CDHR4: variants seen among roughly 807,000 people sequenced by gnomAD.
CDHR4 encodes the protein cadherin-related family member 4.
Under a neutral mutation model 88.4 loss-of-function variants are expected in CDHR4, and 89 were observed. The ratio of observed to expected loss-of-function variants is 1.01; its 90% confidence interval spans 0.85 to 1.20. CDHR4 has a LOEUF of 1.20. CDHR4 is among the 50% of genes most tolerant of loss of function. CDHR4 has a pLI of 0.00. For missense variants in CDHR4, 914 were observed against 1,007.2 expected, an observed-to-expected ratio of 0.91 and a Z score of 1.25; for synonymous variants, 368 against 399.2, an observed-to-expected ratio of 0.92 and a Z score of 0.93.
Position 49,795,411 on chromosome 3 carries a change from G to A in CDHR4, c.848-32C>T, listed in dbSNP as rs1217184852. 1.9e-6 allele frequency: 3 copies of A among 1,545,372 alleles called. No homozygotes were observed. Among genetic ancestry groups the A allele is most frequent in the East Asian group, 4.9e-5 (2 of 40,884 alleles). On this transcript the variant is annotated intron_variant, in intron 7 of 18. Coordinates refer to ENST00000412678, the MANE Select transcript of CDHR4 (RefSeq NM_001007540.4). This position sits in a 1 kb window ranked among gnomAD's most constrained non-coding sequence, Gnocchi z 5.4. Reference sequence around the variant, plus strand: ...GGGGTGAGAGAACACAGAGGTCAGGGGTCAGGGAACACAGAGATCAGCCCC... The same window carrying A: ...GGGGTGAGAGAACACAGAGGTCAGGAGTCAGGGAACACAGAGATCAGCCCC...
At chr3:49,802,174 T>A (rs1398470829), upstream of CDHR4, among the ~76,000 whole-genome samples, 1 of 144,632 alleles carries the variant, frequency 6.9e-6, no homozygotes, top group Admixed American at 6.9e-5. Flanking sequence ...CTGCTTCTTC[T>A]TCCTTTCTTT....
chr3:49,792,327 G>A (rs914380863), intron 15 of CDHR4, 141 bp downstream of exon 15: 1 of 1,064,816 alleles, frequency 9.4e-7, no homozygotes, highest in South Asian at 1.7e-5. Context: ...GACCTCTGGA[G>A]GGAGAGTAGC....
rs1040365104 is a variant in CDHR4, at chr3:49,795,792, T to C, written c.711-28A>G. The C allele has an allele frequency of 5.2e-6, 8 of 1,551,126 alleles. No individual in the cohort carries two copies. The African/African-American group carries it at 6.8e-5, about 13-fold the overall frequency. On this transcript the variant is annotated intron_variant, in intron 6 of 18. Coordinates refer to ENST00000412678, the MANE Select transcript of CDHR4 (RefSeq NM_001007540.4). The surrounding 1 kb of genome is among the most constrained non-coding windows in gnomAD (Gnocchi z 5.4). ...GGACCAAAAGGGGGGCACTGGTTCC[T>C]GCCCATTCCTGCTCAACCTGTGGGT...
At chr3:49,794,352 C>G (rs545808294) in intron 10 of CDHR4, among the ~76,000 whole-genome samples, 1 of 151,510 alleles carries the variant, frequency 6.6e-6, no homozygotes, top group African/African-American at 2.4e-5. Flanking sequence ...GAGCCAGGAT[C>G]GTGCCACTGC....
chr3:49,792,200 T>G lies in CDHR4; in HGVS notation c.2139-241A>C, dbSNP rs191157162. Among the ~76,000 whole-genome samples the G allele has an allele frequency of 7.2e-5, 11 of 152,318 alleles. No homozygotes were observed. In the East Asian group the frequency reaches 2.1e-3, roughly 29 times the overall value. On this transcript the variant is annotated intron_variant, in intron 15 of 18. Coordinates refer to ENST00000412678, the MANE Select transcript of CDHR4 (RefSeq NM_001007540.4). ...CAGGAATAGGGGTAAATGCCCAATG[T>G]ATGACAGACTCACAGTTTCAAGCCC...
At chr3:49,797,176 TTTCC>T (rs2081284315) in intron 4 of CDHR4, 144 bp from the exon 5 acceptor site, 1 of 589,222 alleles carries the variant, frequency 1.7e-6, no homozygotes, top group Non-Finnish European at 3.1e-6. Context: ...CTTTCCTTTC[TTTCC>T]TTCTCTCTCC....
At chr3:49,798,637 C>A in intron 4 of CDHR4, 189 bp downstream of exon 4, 2 of 560,656 alleles carry the variant, frequency 3.6e-6, no homozygotes, top group Admixed American at 3.4e-5. Flanking sequence ...CCTGTGGGAA[C>A]AGCCATGGTC....
In CDHR4 at chr3:49,795,889, T is replaced by C; in HGVS notation, c.710+54A>G. 1 of 1,514,464 alleles carries C rather than the reference T, an allele frequency of 6.6e-7. No homozygotes were observed. The highest frequency in any genetic ancestry group is 2.1e-5 in the Admixed American group (1 of 48,452). 93.8% of individuals were successfully genotyped at this position (1,514,464 alleles called of 1,614,324 possible). ...GCTCCAGCAGCCTCACCCTACCTGA[T>C]TCCCTGGGGCTAGGCCCTTCCTCCC... On this transcript the variant is annotated intron_variant, in intron 6 of 18. Coordinates refer to ENST00000412678, the MANE Select transcript of CDHR4 (RefSeq NM_001007540.4). This position sits in a 1 kb window ranked among gnomAD's most constrained non-coding sequence, Gnocchi z 5.4.
At position 49,793,981 on chromosome 3, in the gene CDHR4, C is replaced by G; in HGVS notation, c.1305G>C (p.Val435=). The G allele has an allele frequency of 2.6e-6, 4 of 1,551,652 alleles. No homozygotes were observed. The highest frequency in any genetic ancestry group is 3.5e-6 in the Non-Finnish European group (4 of 1,146,996). ...CTGGGGAGAACTCGTTGATGGGTGTCACCATCACCAGTACCGGCACCTCAG... is the reference window on the plus strand; with the variant it reads ...CTGGGGAGAACTCGTTGATGGGTGTGACCATCACCAGTACCGGCACCTCAG... ...MTTEVPVLVM[V]TPINEFSPAC... The change falls in exon 11 of 19, where the codon GTG becomes GTC. Residue 435 remains valine (V), a synonymous_variant. Coordinates refer to ENST00000412678, the MANE Select transcript of CDHR4 (RefSeq NM_001007540.4).
At position 49,798,602 on chromosome 3, in the gene CDHR4, A is replaced by AG. The variant is rs1346562010; in HGVS notation, c.495+223_495+224insC. On this transcript the variant is annotated intron_variant, in intron 4 of 18. Transcript: ENST00000412678. ...GACTCCGTCTCAAAAAAAAAAAAAA[A>AG]AAAGAACTCAGCCCCTGAGATGTCC... The AG allele has an allele frequency of 5.5e-6, 3 of 540,988 alleles. No individual in the cohort carries two copies. The East Asian group carries it at 9.2e-5, about 17-fold the overall frequency. The allele number at this position is 540,988 out of a possible 1,614,324, so 33.5% of individuals were successfully genotyped here. A position where few individuals can be genotyped will look rare whatever the true frequency, so the allele number is the denominator to read the frequency against.
At chr3:49,796,141 G>A (rs1295336205) in intron 5 of CDHR4, 95 bp from the exon 6 acceptor site, 1 of 791,578 alleles carries the variant, frequency 1.3e-6, no homozygotes, top group African/African-American at 1.7e-5. Context: ...ACCTCACTTA[G>A]GATCTCCAAA....
intron 4 of CDHR4, chr3:49,798,542 C>T (rs1274149134): frequency 2.2e-5 from 10 of 445,130 alleles, no homozygotes; most frequent in Middle Eastern, 1.1e-3. Context: ...GAGCCGAGAT[C>T]GCGCCACTGC....
chr3:49,800,862 A>G (rs1409289338), upstream of CDHR4, among the ~76,000 whole-genome samples: 1 of 145,632 alleles, frequency 6.9e-6, no homozygotes, highest in Non-Finnish European at 1.5e-5. Context: ...CCTGGACAAC[A>G]TGGTGAAACC....
rs2081226009 is a variant in CDHR4, at chr3:49,793,951, A to C, written c.1335T>G (p.Cys445Trp). The change falls in exon 11 of 19, where the codon TGT becomes TGG. Residue 445 changes from cysteine (C) to tryptophan (W), a missense_variant. Coordinates refer to ENST00000412678, the MANE Select transcript of CDHR4 (RefSeq NM_001007540.4). The part of the protein sequence containing the change: ...VTPINEFSPA[C>W]APRTFRVQED... ...CCTGAACCCGGAACGTGCGAGGGGCACAGGCTGGGGAGAACTCGTTGATGG... is the reference window on the plus strand; with the variant it reads ...CCTGAACCCGGAACGTGCGAGGGGCCCAGGCTGGGGAGAACTCGTTGATGG... The C allele has an allele frequency of 6.4e-7, 1 of 1,551,646 alleles. No homozygotes were observed. Among genetic ancestry groups the C allele is most frequent in the Admixed American group, 2.0e-5 (1 of 50,988 alleles).
chr3:49,792,032 C>T, intron 15 of CDHR4, 73 bp from the exon 16 acceptor site: 1 of 1,429,150 alleles, frequency 7.0e-7, no homozygotes, highest in Non-Finnish European at 9.6e-7. Flanking sequence ...GCACCATTCA[C>T]CCATTCCTTT....
At position 49,795,871 on chromosome 3, in the gene CDHR4, C is replaced by T; in HGVS notation, c.710+72G>A. 6.6e-7 allele frequency: 1 copy of T among 1,515,802 alleles called. No individual in the cohort carries two copies. The highest frequency in any genetic ancestry group is 8.9e-7 in the Non-Finnish European group (1 of 1,125,918). 93.9% of individuals were successfully genotyped at this position (1,515,802 alleles called of 1,614,324 possible). On this transcript the variant is annotated intron_variant, in intron 6 of 18. Coordinates refer to ENST00000412678, the MANE Select transcript of CDHR4 (RefSeq NM_001007540.4). This position sits in a 1 kb window ranked among gnomAD's most constrained non-coding sequence, Gnocchi z 5.4. Reference sequence around the variant, plus strand: ...TGTCAGGGCTGGGACTCAGCTCCAGCAGCCTCACCCTACCTGATTCCCTGG... The same window carrying T: ...TGTCAGGGCTGGGACTCAGCTCCAGTAGCCTCACCCTACCTGATTCCCTGG...
chr3:49,799,824 GAC>G lies in CDHR4; in HGVS notation c.-14_-13del, dbSNP rs1315810062. ...CTGAGCAGCACCATGATGACCTGAA[GAC>G]ACAGACAGCAGAGGAGGCTTCAGAA... On this transcript the variant is annotated 5_prime_UTR_variant, in exon 1 of 19. Coordinates refer to ENST00000412678, the MANE Select transcript of CDHR4 (RefSeq NM_001007540.4). 1 of 1,613,826 alleles carries G rather than the reference GAC, an allele frequency of 6.2e-7. No individual in the cohort carries two copies. The highest frequency in any genetic ancestry group is 8.5e-7 in the Non-Finnish European group (1 of 1,179,788).
rs1035033539 is a variant in CDHR4, at chr3:49,791,435, A to T, written c.2311+6T>A. The T allele has an allele frequency of 1.9e-6, 3 of 1,541,540 alleles. No individual in the cohort carries two copies. Among genetic ancestry groups the T allele is most frequent in the Non-Finnish European group, 2.6e-6 (3 of 1,144,132 alleles). The stretch of plus-strand genomic sequence containing the variant: ...CAGAGAATAGCTTAGGAAGAGGGGG[A>T]CTCACGGGAGTCCTGTGCTCTGCCA... On this transcript the variant is annotated splice_donor_region_variant and intron_variant, in intron 18 of 18. Transcript: ENST00000412678.
At position 49,797,049 on chromosome 3, in the gene CDHR4, G is replaced by C. The variant is rs1229522157; in HGVS notation, c.496-17C>G. 7.1e-6 allele frequency: 11 copies of C among 1,547,074 alleles called. No individual in the cohort carries two copies. Among genetic ancestry groups the C allele is most frequent in the Non-Finnish European group, 9.6e-6 (11 of 1,142,956 alleles). On this transcript the variant is annotated splice_polypyrimidine_tract_variant and intron_variant, in intron 4 of 18. Coordinates refer to ENST00000412678, the MANE Select transcript of CDHR4 (RefSeq NM_001007540.4). ...AATGCTCATCTGACAGAACAGAGAT[G>C]CTGGCAACCACATTCAGCCCCCAGT...
Sources: allele counts gnomAD v4.1 joint callset (sites outside exome capture counted in the v4.1 genomes callset), GRCh38; gene constraint gnomAD v4.1.1; non-coding constraint Gnocchi (gnomAD v3.1); transcripts MANE v1.5; gene names NCBI Gene and HGNC (gene_info 2026-07-23, HGNC 2026-07-21).